TFEC: variants seen among roughly 807,000 people sequenced by gnomAD.
TFEC encodes transcription factor EC, also known as class E basic helix-loop-helix protein 34.
In TFEC, 31 loss-of-function variants were observed where a neutral mutation model predicts 41.6. The ratio of observed to expected loss-of-function variants is 0.74; its 90% CI spans 0.56 to 1.01. The LOEUF is 1.01. TFEC is among the 50% of genes least tolerant of loss of function. The pLI, the probability that TFEC is intolerant of heterozygous loss-of-function variation, is 0.00. For synonymous variants in TFEC, 143 were observed against 140.6 expected (o/e 1.02, Z -0.12); for missense variants, 402 against 404.1 (o/e 0.99, Z 0.04).
intron 3 of TFEC, among the ~76,000 whole-genome samples, chr7:116,074,055 C>T (rs961509654): frequency 1.3e-5 from 2 of 151,844 alleles, no homozygotes; most frequent in Non-Finnish European, 2.9e-5. Flanking sequence ...ACAACAAACA[C>T]ATTAATTAAC....
In TFEC at chr7:115,992,863, C is replaced by A. The variant is rs188364481; in HGVS notation, c.-72-8350G>T. On this transcript the variant is annotated intron_variant, in intron 1 of 7. Transcript: ENST00000265440. ...TCTCTAACTCATTTTATGAGGCCAGCATCATCCTGATACCAAAGCCTGGCA... is the reference window on the plus strand; with the variant it reads ...TCTCTAACTCATTTTATGAGGCCAGAATCATCCTGATACCAAAGCCTGGCA... 9.3e-4 allele frequency among the ~76,000 whole-genome samples: 141 copies of A among 152,288 alleles called. 1 individual carries two copies. The Middle Eastern group carries it at 0.014, about 15-fold the overall frequency.
intron 1 of TFEC, among the ~76,000 whole-genome samples, chr7:116,135,190 T>C (rs1382651945): frequency 1.3e-5 from 2 of 152,138 alleles, no homozygotes; most frequent in South Asian, 2.1e-4. Context: ...AAAATCTCTT[T>C]AGAAGCCTGA....
chr7:115,991,280 T>G (rs1794099067), intron 1 of TFEC, among the ~76,000 whole-genome samples: 2 of 152,146 alleles, frequency 1.3e-5, no homozygotes, highest in African/African-American at 4.8e-5. Context: ...CATGCCAAAT[T>G]GTAAAGACCA....
rs576728478 is a variant in TFEC, at chr7:116,063,345, G to A, written c.198+47363C>T. Among the ~76,000 whole-genome samples the A allele has an allele frequency of 5.9e-5, 9 of 152,244 alleles. No homozygotes were observed. The South Asian group carries it at 8.3e-4, about 14-fold the overall frequency. On this transcript the variant is annotated intron_variant, in intron 3 of 8. Transcript: ENST00000484212. ...AGGAAACTCTGGGGTGGCTGGGCGC[G>A]GTGGCTCACGCCTGTAATCCCAGCA...
intron 1 of TFEC, among the ~76,000 whole-genome samples, chr7:115,997,622 C>T (rs964042158): frequency 6.6e-6 from 1 of 152,006 alleles, no homozygotes; most frequent in Non-Finnish European, 1.5e-5. Flanking sequence ...TCACCAGGAA[C>T]AAATCTCAGA....
intron 1 of TFEC, among the ~76,000 whole-genome samples, chr7:116,114,477 G>C (rs530958516): frequency 6.6e-6 from 1 of 152,006 alleles, no homozygotes; most frequent in Non-Finnish European, 1.5e-5. Context: ...AAGGGCAAGC[G>C]TAAGGGGGAT....
intron 2 of TFEC, among the ~76,000 whole-genome samples, chr7:115,980,670 A>G (rs115469292): frequency 9.1e-4 from 139 of 152,272 alleles, no homozygotes; most frequent in African/African-American, 3.2e-3. Flanking sequence ...CAATCTCTTG[A>G]ACCCAGGTGG....
At chr7:116,032,948 TA>T (rs1795823969), upstream of TFEC, among the ~76,000 whole-genome samples, 1 of 152,136 alleles carries the variant, frequency 6.6e-6, no homozygotes, top group African/African-American at 2.4e-5. Flanking sequence ...TGCCACAAAA[TA>T]ATTTTACCAC....
intron 1 of TFEC, among the ~76,000 whole-genome samples, chr7:116,140,261 G>T (rs1369170056): frequency 6.6e-6 from 1 of 152,218 alleles, no homozygotes; most frequent in African/African-American, 2.4e-5. Flanking sequence ...ATAAGTGAAA[G>T]AAATGAGTGG....
At chr7:116,067,100 T>C (rs1796711622) in intron 3 of TFEC, among the ~76,000 whole-genome samples, 1 of 152,032 alleles carries the variant, frequency 6.6e-6, no homozygotes, top group East Asian at 1.9e-4. Flanking sequence ...CTTAGAATTA[T>C]TGCACGTGGT....
At chr7:115,981,497 A>C (rs572817967) in intron 2 of TFEC, among the ~76,000 whole-genome samples, 2 of 152,318 alleles carry the variant, frequency 1.3e-5, no homozygotes, top group Admixed American at 1.3e-4. Flanking sequence ...AAATTTGCCA[A>C]AAATATGCAC....
At chr7:116,006,515 G>A (rs79622609) in intron 1 of TFEC, among the ~76,000 whole-genome samples, 2,564 of 152,254 alleles carry the variant, frequency 0.017, 76 homozygotes, top group African/African-American at 0.059. Context: ...CTCCCATTTG[G>A]AATGGCTGTA....
At chr7:116,084,905 G>A (rs973714414) in intron 3 of TFEC, among the ~76,000 whole-genome samples, 2 of 151,846 alleles carry the variant, frequency 1.3e-5, no homozygotes, top group African/African-American at 4.8e-5. Context: ...AGCAACTACT[G>A]TATATCACAC....
intron 1 of TFEC, among the ~76,000 whole-genome samples, chr7:116,010,830 A>G (rs1794973796): frequency 6.6e-6 from 1 of 152,180 alleles, no homozygotes; most frequent in Non-Finnish European, 1.5e-5. Flanking sequence ...TTACACTGTC[A>G]GGTAAGTTAA....
chr7:116,058,258 T>C (rs1432363986), intron 3 of TFEC, among the ~76,000 whole-genome samples: 2 of 151,752 alleles, frequency 1.3e-5, no homozygotes, highest in African/African-American at 4.8e-5. Flanking sequence ...TTAAAGTAGA[T>C]TTCTGAGCAA....
At chr7:116,119,139 T>A (rs1798055166) in intron 1 of TFEC, among the ~76,000 whole-genome samples, 1 of 151,836 alleles carries the variant, frequency 6.6e-6, no homozygotes, top group South Asian at 2.1e-4. Flanking sequence ...ATTTTTTATA[T>A]CCTTCAATAA....
Position 116,156,424 on chromosome 7 carries a change from G to A in TFEC, c.-69+3366C>T, listed in dbSNP as rs577385209. Among the ~76,000 whole-genome samples, 4 of 152,180 alleles carry A rather than the reference G, an allele frequency of 2.6e-5. No individual in the cohort carries two copies. The Middle Eastern group carries it at 0.01, about 388-fold the overall frequency. ...ACCTTCATATCAGTCCTACTTCTAAGATTATAATCAAACCACAATTAGCAA... is the reference window on the plus strand; with the variant it reads ...ACCTTCATATCAGTCCTACTTCTAAAATTATAATCAAACCACAATTAGCAA... On this transcript the variant is annotated intron_variant, in intron 1 of 8. Coordinates refer to the TFEC transcript ENST00000484212.
intron 3 of TFEC, among the ~76,000 whole-genome samples, chr7:115,963,673 A>G (rs1792688463): frequency 6.6e-6 from 1 of 151,718 alleles, no homozygotes; most frequent in Non-Finnish European, 1.5e-5. Flanking sequence ...TAGGATATAT[A>G]TTGTATTATT....
chr7:115,977,102 C>A (rs1793416917), intron 2 of TFEC, among the ~76,000 whole-genome samples: 1 of 152,052 alleles, frequency 6.6e-6, no homozygotes, highest in African/African-American at 2.4e-5. Flanking sequence ...AGCCTAAAAC[C>A]TTCACAACTT....
Sources: gnomAD v4.1 joint callset for allele counts (sites outside exome capture counted in the v4.1 genomes callset) on GRCh38, gnomAD v4.1.1 for gene constraint, MANE v1.5 for transcripts, NCBI Gene and HGNC (gene_info 2026-07-23, HGNC 2026-07-21) for gene names.